GALNT13: variants seen among roughly 807,000 people sequenced by gnomAD.
GALNT13 encodes the protein polypeptide N-acetylgalactosaminyltransferase 13.
In GALNT13, 28 loss-of-function variants were observed where a neutral mutation model predicts 64.2. The observed-to-expected ratio is 0.44, with a 90% CI of 0.32 to 0.60. The LOEUF is 0.60. Ranked by LOEUF, GALNT13 falls within the 20% of genes least tolerant of loss-of-function variation. The pLI, the probability that GALNT13 is intolerant of heterozygous loss-of-function variation, is 0.05. For missense variants in GALNT13, 577 were observed against 669.8 expected (o/e 0.86, Z 1.53); for synonymous variants, 214 against 224.6 (o/e 0.95, Z 0.42).
chr2:154,359,551 A>G (rs1696944225), intron 9 of GALNT13, among the ~76,000 whole-genome samples: 1 of 152,138 alleles, frequency 6.6e-6, no homozygotes, highest in Admixed American at 6.6e-5. Context: ...CAAAGGTGAG[A>G]CTTACGGTCA....
intron 3 of GALNT13, among the ~76,000 whole-genome samples, chr2:153,960,062 A>G (rs1692836985): frequency 6.6e-6 from 1 of 152,214 alleles, no homozygotes; most frequent in Non-Finnish European, 1.5e-5. Flanking sequence ...TGTTCATCTG[A>G]TCAGCTCCAC....
chr2:153,403,182 C>G, the GALNT13 span, among the ~76,000 whole-genome samples: 1 of 150,412 alleles, frequency 6.6e-6, no homozygotes, highest in Admixed American at 6.6e-5. Flanking sequence ...TTGGAGTACC[C>G]TGCCGTGTGA....
chr2:154,222,157 C>A, intron 4 of GALNT13, among the ~76,000 whole-genome samples: 1 of 152,028 alleles, frequency 6.6e-6, no homozygotes, highest in East Asian at 1.9e-4. Context: ...ACAGGTTGAT[C>A]CACTCTCCTT....
chr2:153,834,423 C>T, the GALNT13 span, among the ~76,000 whole-genome samples: 63,347 of 152,002 alleles, frequency 0.42, 14,202 homozygotes, highest in Admixed American at 0.57. Context: ...TATTGTAGGA[C>T]AGAGTTGGGA....
the GALNT13 span, among the ~76,000 whole-genome samples, chr2:153,603,224 T>C: frequency 6.6e-6 from 1 of 151,874 alleles, no homozygotes; most frequent in Non-Finnish European, 1.5e-5. Flanking sequence ...GGAAGTACTT[T>C]CTCTTTTCTT....
chr2:154,266,053 C>T (rs1690979504), intron 8 of GALNT13, among the ~76,000 whole-genome samples: 1 of 152,098 alleles, frequency 6.6e-6, no homozygotes, highest in Admixed American at 6.6e-5. Context: ...ATAACAAACT[C>T]AGTCTACTCC....
Position 154,057,320 on chromosome 2 carries a change from C to T in GALNT13, c.143-83017C>T, listed in dbSNP as rs1258135832. Among the ~76,000 whole-genome samples the T allele has an allele frequency of 4.6e-5, 7 of 152,304 alleles. No individual in the cohort carries two copies. The East Asian group carries it at 9.6e-4, about 21-fold the overall frequency. On this transcript the variant is annotated intron_variant, in intron 3 of 12. Transcript: ENST00000392825. ...GTGGGCTTATAGGTGCGAGCCACCACGCCCGGCCCTAAACCTTTTATTTTA... is the reference window on the plus strand; with the variant it reads ...GTGGGCTTATAGGTGCGAGCCACCATGCCCGGCCCTAAACCTTTTATTTTA...
At chr2:154,309,828 ACCAAATTATCACT>A (rs1394643951) in intron 9 of GALNT13, among the ~76,000 whole-genome samples, 2 of 152,226 alleles carry the variant, frequency 1.3e-5, no homozygotes, top group East Asian at 3.9e-4. Context: ...ACCTTCCCAA[ACCAAATTATCACT>A]GGTCTCTTAT....
chr2:154,438,098 C>T lies in GALNT13; in HGVS notation c.1396-494C>T, dbSNP rs532962734. ...AATAAGATCTCTAGAGAAGATACTT[C>T]TACAACCTTCAGAAGCTCACTGACA... On this transcript the variant is annotated intron_variant, in intron 11 of 12. Transcript: ENST00000392825. Among the ~76,000 whole-genome samples the T allele has an allele frequency of 4.9e-4, 75 of 152,186 alleles. 1 individual carries two copies. Among genetic ancestry groups the T allele is most frequent in the Middle Eastern group, 3.4e-3 (1 of 294 alleles).
chr2:153,985,240 C>T (rs764362582), intron 3 of GALNT13, among the ~76,000 whole-genome samples: 3 of 152,010 alleles, frequency 2.0e-5, no homozygotes, highest in African/African-American at 4.8e-5. Flanking sequence ...AAGCGCATCA[C>T]GTTCCTAAGA....
At chr2:153,784,621 C>A in the GALNT13 span, among the ~76,000 whole-genome samples, 1 of 152,176 alleles carries the variant, frequency 6.6e-6, no homozygotes, top group African/African-American at 2.4e-5. Context: ...GCCCCAGGAG[C>A]TTTAAATACC....
At chr2:153,260,275 CG>C in the GALNT13 span, among the ~76,000 whole-genome samples, 1 of 152,238 alleles carries the variant, frequency 6.6e-6, no homozygotes, top group African/African-American at 2.4e-5. Context: ...ATTCTGCATA[CG>C]TACCATTACC....
the GALNT13 span, among the ~76,000 whole-genome samples, chr2:153,151,579 C>T: frequency 6.6e-6 from 1 of 151,996 alleles, no homozygotes; most frequent in Admixed American, 6.6e-5. Flanking sequence ...TGGAATCAAC[C>T]CAAATGTCCA....
chr2:153,605,779 T>G, the GALNT13 span, among the ~76,000 whole-genome samples: 5,657 of 152,206 alleles, frequency 0.037, 136 homozygotes, highest in Middle Eastern at 0.058. Context: ...GAAAATAATG[T>G]AAGCAAATAA....
intron 3 of GALNT13, among the ~76,000 whole-genome samples, chr2:154,105,195 AGTAGG>A (rs1702549083): frequency 6.6e-6 from 1 of 150,590 alleles, no homozygotes; most frequent in Non-Finnish European, 1.5e-5. Flanking sequence ...TCAGCTTTCC[AGTAGG>A]GCCGTGATTG....
At chr2:153,357,545 A>G in the GALNT13 span, 2 of 152,222 alleles carry the variant, frequency 1.3e-5, no homozygotes, top group Non-Finnish European at 2.9e-5. Flanking sequence ...GATGACCAAA[A>G]GCAATTTGGG....
At chr2:153,719,638 G>T in the GALNT13 span, among the ~76,000 whole-genome samples, 1 of 152,196 alleles carries the variant, frequency 6.6e-6, no homozygotes, top group South Asian at 2.1e-4. Context: ...GCAAGGCATT[G>T]CCTCACCTGG....
At chr2:153,751,249 G>A in the GALNT13 span, among the ~76,000 whole-genome samples, 1 of 151,960 alleles carries the variant, frequency 6.6e-6, no homozygotes, top group Non-Finnish European at 1.5e-5. Context: ...CCTTGAGAAT[G>A]AGCCATGTGC....
At chr2:153,840,692 G>A in the GALNT13 span, among the ~76,000 whole-genome samples, 1 of 152,134 alleles carries the variant, frequency 6.6e-6, no homozygotes, top group African/African-American at 2.4e-5. Flanking sequence ...TAAAAGCTGT[G>A]TGGTGAGAAT....
Sources: allele counts gnomAD v4.1 joint callset (sites outside exome capture counted in the v4.1 genomes callset), GRCh38; gene constraint gnomAD v4.1.1; transcripts MANE v1.5; gene names NCBI Gene and HGNC (gene_info 2026-07-23, HGNC 2026-07-21).